Variants in GALNT11 observed in about 807,000 individuals in gnomAD.
GALNT11 encodes UDP-GalNAc:polypeptide N-acetylgalactosaminyltransferase 11.
Under a neutral mutation model 72.7 loss-of-function variants are expected in GALNT11, and 47 were observed. The ratio of observed to expected loss-of-function variants is 0.65; its 90% CI spans 0.51 to 0.82. The LOEUF (loss-of-function observed/expected upper bound fraction) is 0.82. Among genes scored for constraint, GALNT11 ranks in the 40% least tolerant of loss-of-function variants. The pLI is 0.00. For missense variants in GALNT11, 677 were observed against 778.4 expected (o/e 0.87, Z 1.55); for synonymous variants, 270 against 286.6 (o/e 0.94, Z 0.58).
chr7:152,117,059 T>C lies in GALNT11; in HGVS notation c.1234-98T>C. 3.0e-6 allele frequency: 3 copies of C among 1,004,268 alleles called. No homozygotes were observed. In the African/African-American group the frequency reaches 4.9e-5, roughly 16 times the overall value. The allele number at this position is 1,004,268 out of a possible 1,614,324, so 62.2% of individuals were successfully genotyped here. ...TTAAGGTACATGTTATTATCATTGT[T>C]AGTAATGGACTTAATCGTGTAAAAA... On this transcript the variant is annotated intron_variant, in intron 8 of 11. Coordinates refer to ENST00000430044, the MANE Select transcript of GALNT11 (RefSeq NM_022087.4).
chr7:152,111,146 A>G (rs985811906), intron 7 of GALNT11, among the ~76,000 whole-genome samples: 7 of 150,968 alleles, frequency 4.6e-5, no homozygotes, highest in African/African-American at 1.7e-4. Flanking sequence ...GAAGCCATGT[A>G]TTTATTGGTA....
intron 1 of GALNT11, among the ~76,000 whole-genome samples, chr7:152,044,022 G>A (rs2082999230): frequency 6.6e-6 from 1 of 152,160 alleles, no homozygotes; most frequent in African/African-American, 2.4e-5. Context: ...ACCTGGGTTC[G>A]AGCCCCACGT....
At chr7:152,102,995 A>AG (rs2087116673) in intron 3 of GALNT11, 117 bp from the exon 4 acceptor site, 2 of 978,720 alleles carry the variant, frequency 2.0e-6, no homozygotes, top group East Asian at 5.4e-5. Flanking sequence ...AAAAAAAAAA[A>AG]AGGCAGGGGG....
At chr7:152,074,326 G>A (rs1302332444) in intron 1 of GALNT11, 4 of 152,076 alleles carry the variant, frequency 2.6e-5, no homozygotes, top group Non-Finnish European at 4.4e-5. Flanking sequence ...CATAGAGGTG[G>A]GAGGCTAGTT....
intron 3 of GALNT11, among the ~76,000 whole-genome samples, chr7:152,101,751 G>A (rs143897054): frequency 4.0e-5 from 6 of 151,608 alleles, no homozygotes; most frequent in African/African-American, 9.7e-5. Context: ...CTCCTGCCTC[G>A]GCCTCCTGAG....
At chr7:152,107,893 TGTA>T in intron 5 of GALNT11, 142 bp from the exon 6 acceptor site, 1 of 840,892 alleles carries the variant, frequency 1.2e-6, no homozygotes, top group Non-Finnish European at 1.8e-6. Flanking sequence ...GGCAGTGAAG[TGTA>T]GTGGAGCAGT....
At chr7:152,077,530 CT>C (rs1186527779) in intron 1 of GALNT11, among the ~76,000 whole-genome samples, 2 of 152,138 alleles carry the variant, frequency 1.3e-5, no homozygotes, top group African/African-American at 4.8e-5. Context: ...ATCCAGAACA[CT>C]CATGGGCTGG....
At chr7:152,027,055 C>G (rs1201776336) in intron 1 of GALNT11, among the ~76,000 whole-genome samples, 2 of 152,204 alleles carry the variant, frequency 1.3e-5, no homozygotes, top group Non-Finnish European at 2.9e-5. Context: ...CAAGACCATC[C>G]TGGCTAACAC....
chr7:152,041,802 A>G (rs1418653425), intron 1 of GALNT11, among the ~76,000 whole-genome samples: 3 of 152,206 alleles, frequency 2.0e-5, no homozygotes, highest in Admixed American at 1.3e-4. Context: ...GTAATTTTTG[A>G]AAGTCATTTA....
chr7:152,026,795 C>G (rs552424375), intron 1 of GALNT11, among the ~76,000 whole-genome samples: 11 of 152,312 alleles, frequency 7.2e-5, no homozygotes, highest in African/African-American at 2.4e-4. Context: ...CTTTCCTGCC[C>G]GAACTAGTCT....
intron 1 of GALNT11, among the ~76,000 whole-genome samples, chr7:152,029,190 C>T (rs1206510650): frequency 6.6e-6 from 1 of 152,072 alleles, no homozygotes; most frequent in African/African-American, 2.4e-5. Flanking sequence ...GAGGTCTAGG[C>T]CTCGGTGGTT....
chr7:152,108,323 G>GTGCT lies in GALNT11; in HGVS notation c.962+38_962+41dup, dbSNP rs1587422993. The GTGCT allele has an allele frequency of 2.5e-6, 4 of 1,581,488 alleles. No homozygotes were observed. In the East Asian group the frequency reaches 9.1e-5, roughly 36 times the overall value. On this transcript the variant is annotated intron_variant, in intron 6 of 11. Coordinates refer to ENST00000430044, the MANE Select transcript of GALNT11 (RefSeq NM_022087.4). The stretch of plus-strand genomic sequence containing the variant: ...TCCTTTGTTTGACAAATTCCTACCA[G>GTGCT]TGCTTCCTTAAAAGAGAACAAAATG...
intron 1 of GALNT11, among the ~76,000 whole-genome samples, chr7:152,044,994 A>G (rs1372613040): frequency 6.6e-6 from 1 of 152,038 alleles, no homozygotes; most frequent in African/African-American, 2.4e-5. Context: ...TTATCATGAA[A>G]GGATGTTTAA....
chr7:152,033,165 C>T (rs188064228), intron 1 of GALNT11, among the ~76,000 whole-genome samples: 4 of 152,308 alleles, frequency 2.6e-5, no homozygotes, highest in Admixed American at 2.6e-4. Context: ...GAACCTTTGT[C>T]CTCCGGGGCA....
At chr7:152,100,988 G>A in intron 3 of GALNT11, 67 bp downstream of exon 3, 1 of 1,579,630 alleles carries the variant, frequency 6.3e-7, no homozygotes, top group South Asian at 1.1e-5. Flanking sequence ...AGTGTAAGAG[G>A]TCACGAGGAC....
chr7:152,047,003 T>G (rs1234689689), intron 1 of GALNT11, among the ~76,000 whole-genome samples: 1 of 152,204 alleles, frequency 6.6e-6, no homozygotes, highest in East Asian at 1.9e-4. Flanking sequence ...TTGAAAATAG[T>G]ATCTTATAAC....
At position 152,117,395 on chromosome 7, in the gene GALNT11, C is replaced by T. The variant is rs2088969559; in HGVS notation, c.1452+20C>T. Reference sequence around the variant, plus strand: ...GGAAGGGTAAGAAAGCTGTTTTTTCCAAGTGGCTTATGAAAAGCGTTTGAT... The same window carrying T: ...GGAAGGGTAAGAAAGCTGTTTTTTCTAAGTGGCTTATGAAAAGCGTTTGAT... On this transcript the variant is annotated intron_variant, in intron 9 of 11. Transcript: ENST00000430044. The T allele has an allele frequency of 6.2e-7, 1 of 1,612,168 alleles. No individual in the cohort carries two copies. The highest frequency in any genetic ancestry group is 1.7e-5 in the Admixed American group (1 of 59,860).
chr7:152,075,796 C>CA (rs775384082), intron 1 of GALNT11, among the ~76,000 whole-genome samples: 6,337 of 109,274 alleles, frequency 0.058, 245 homozygotes, highest in African/African-American at 0.12. Context: ...AACTCTGTCT[C>CA]AAAAAAAAAA....
intron 1 of GALNT11, among the ~76,000 whole-genome samples, chr7:152,073,007 CATTTT>C (rs1469222787): frequency 6.6e-6 from 1 of 152,122 alleles, no homozygotes; most frequent in Non-Finnish European, 1.5e-5. Flanking sequence ...TTACAATATA[CATTTT>C]ATTTTATTTT....
Sources: gnomAD v4.1 joint callset for allele counts (sites outside exome capture counted in the v4.1 genomes callset) on GRCh38, gnomAD v4.1.1 for gene constraint, MANE v1.5 for transcripts, NCBI Gene and HGNC (gene_info 2026-07-23, HGNC 2026-07-21) for gene names.